The following DPP10 variants were observed in gnomAD, a reference collection of about 807,000 sequenced individuals.
The protein encoded by DPP10 is dipeptidyl peptidase like 10, also known as inactive dipeptidyl peptidase 10.
DPP10 carries 33 observed loss-of-function variants against 120.9 expected under a neutral mutation model. The observed-to-expected ratio is 0.27, with a 90% CI of 0.21 to 0.37. The LOEUF (loss-of-function observed/expected upper bound fraction) is 0.37. Among genes scored for constraint, DPP10 ranks in the 10% least tolerant of loss-of-function variants. DPP10 has a pLI of 1.00. For missense variants in DPP10, 816 were observed against 942.8 expected, an observed-to-expected ratio of 0.87 and a Z score of 1.76; for synonymous variants, 337 against 326.1, an observed-to-expected ratio of 1.03 and a Z score of -0.36.
chr2:114,693,757 C>G (rs1300592998), intron 1 of DPP10, among the ~76,000 whole-genome samples: 1 of 151,938 alleles, frequency 6.6e-6, no homozygotes, highest in Non-Finnish European at 1.5e-5. Flanking sequence ...TCCCATATTT[C>G]TTGGAGGTTT....
chr2:114,941,488 G>T (rs1696892023), intron 1 of DPP10, among the ~76,000 whole-genome samples: 1 of 152,102 alleles, frequency 6.6e-6, no homozygotes, highest in East Asian at 1.9e-4. Flanking sequence ...TTAAGTGAAA[G>T]ATTATTTTCT....
At chr2:114,953,709 G>A (rs1697969113) in intron 1 of DPP10, among the ~76,000 whole-genome samples, 1 of 151,910 alleles carries the variant, frequency 6.6e-6, no homozygotes. Flanking sequence ...TATAATTATG[G>A]TCAATAATAG....
intron 1 of DPP10, among the ~76,000 whole-genome samples, chr2:114,755,728 A>C (rs1360881427): frequency 6.6e-6 from 1 of 152,218 alleles, no homozygotes; most frequent in Non-Finnish European, 1.5e-5. Flanking sequence ...GTAAGGCAGA[A>C]GGCCCAGGCA....
intron 1 of DPP10, among the ~76,000 whole-genome samples, chr2:114,753,870 C>A (rs1202536023): frequency 7.8e-6 from 1 of 128,454 alleles, no homozygotes; most frequent in Non-Finnish European, 1.6e-5. Flanking sequence ...GATGGCGCCA[C>A]TGAACTCCAG....
intron 1 of DPP10, among the ~76,000 whole-genome samples, chr2:115,270,840 ATTAT>A (rs1559344088): frequency 6.6e-6 from 1 of 152,226 alleles, no homozygotes; most frequent in African/African-American, 2.4e-5. Flanking sequence ...CTGACTGTCA[ATTAT>A]TTAGGATTGG....
chr2:115,265,044 TAC>T, intron 1 of DPP10, among the ~76,000 whole-genome samples: 1 of 152,130 alleles, frequency 6.6e-6, no homozygotes, highest in East Asian at 1.9e-4. Context: ...TAAACTTCTG[TAC>T]ATTGCACTTG....
intron 5 of DPP10, among the ~76,000 whole-genome samples, chr2:115,609,341 A>G (rs917426612): frequency 2.0e-5 from 3 of 152,026 alleles, no homozygotes; most frequent in East Asian, 3.9e-4. Flanking sequence ...ATGTTGCGGG[A>G]AAAAAAAGGA....
chr2:115,536,352 C>T (rs540076665), intron 5 of DPP10, among the ~76,000 whole-genome samples: 1 of 151,956 alleles, frequency 6.6e-6, no homozygotes, highest in East Asian at 1.9e-4. Context: ...ATTTTAATGG[C>T]TTTACCATCT....
chr2:114,653,002 G>A lies in DPP10; in HGVS notation c.60+210164G>A, dbSNP rs867794389. On this transcript the variant is annotated intron_variant, in intron 1 of 25. Transcript: ENST00000410059. ...TCTCTCATTGGAAGAGAGAGAGAGAGAGAGAGAAAGAGAGAGAGAGAGAGA... is the reference window on the plus strand; with the variant it reads ...TCTCTCATTGGAAGAGAGAGAGAGAAAGAGAGAAAGAGAGAGAGAGAGAGA... Among the ~76,000 whole-genome samples the A allele has an allele frequency of 3.1e-3, 432 of 141,460 alleles. 1 individual carries two copies. Among genetic ancestry groups the A allele is most frequent in the Middle Eastern group, 0.01 (3 of 290 alleles). 92.8% of individuals were successfully genotyped at this position (141,460 alleles called of 152,430 possible).
chr2:115,060,825 G>A (rs1706341970), intron 1 of DPP10, among the ~76,000 whole-genome samples: 1 of 152,164 alleles, frequency 6.6e-6, no homozygotes, highest in Non-Finnish European at 1.5e-5. Flanking sequence ...CTAGGAAGCT[G>A]AGCTCAGAGA....
At chr2:115,794,826 C>T (rs534905313) in intron 19 of DPP10, among the ~76,000 whole-genome samples, 3 of 152,054 alleles carry the variant, frequency 2.0e-5, no homozygotes, top group Admixed American at 6.6e-5. Context: ...CTTATAACCT[C>T]GTATTGTTCT....
At chr2:114,992,862 C>G (rs1700829134) in intron 1 of DPP10, among the ~76,000 whole-genome samples, 1 of 152,162 alleles carries the variant, frequency 6.6e-6, no homozygotes. Context: ...GACTTGTAGA[C>G]AGTCAATGGT....
chr2:115,632,120 G>T (rs1381197105), intron 5 of DPP10, among the ~76,000 whole-genome samples: 1 of 152,136 alleles, frequency 6.6e-6, no homozygotes, highest in Non-Finnish European at 1.5e-5. Context: ...ATATATTTCT[G>T]ATAGCTAGCT....
intron 5 of DPP10, among the ~76,000 whole-genome samples, chr2:115,532,558 T>A (rs1339616922): frequency 6.6e-6 from 1 of 152,084 alleles, no homozygotes; most frequent in Non-Finnish European, 1.5e-5. Context: ...TTTTCAATAC[T>A]CAGTACTTAA....
At chr2:115,044,967 T>TG (rs1330687065) in intron 1 of DPP10, among the ~76,000 whole-genome samples, 4 of 152,162 alleles carry the variant, frequency 2.6e-5, no homozygotes, top group Non-Finnish European at 5.9e-5. Flanking sequence ...TTTTTATAGA[T>TG]GAATAGTACT....
chr2:114,975,149 G>A (rs373167246), intron 1 of DPP10, among the ~76,000 whole-genome samples: 14 of 151,566 alleles, frequency 9.2e-5, no homozygotes, highest in African/African-American at 2.9e-4. Flanking sequence ...GGGTTCAAGC[G>A]ATTCTCCTGC....
chr2:114,686,847 C>G (rs1699403438), intron 1 of DPP10, among the ~76,000 whole-genome samples: 1 of 151,916 alleles, frequency 6.6e-6, no homozygotes, highest in Non-Finnish European at 1.5e-5. Context: ...TCAAGTATCA[C>G]ACATGCATTC....
chr2:115,246,449 G>A (rs1227079843), intron 1 of DPP10, among the ~76,000 whole-genome samples: 2 of 152,140 alleles, frequency 1.3e-5, no homozygotes, highest in Non-Finnish European at 2.9e-5. Context: ...AAAAGAATTG[G>A]TGGATTTTTT....
At chr2:115,623,909 C>T (rs1558940652) in intron 5 of DPP10, among the ~76,000 whole-genome samples, 1 of 152,192 alleles carries the variant, frequency 6.6e-6, no homozygotes, top group East Asian at 1.9e-4. Context: ...CAAGAATTGT[C>T]AGATGAAAAG....
Sources: gnomAD v4.1 joint callset for allele counts (sites outside exome capture counted in the v4.1 genomes callset) on GRCh38, gnomAD v4.1.1 for gene constraint, MANE v1.5 for transcripts, NCBI Gene and HGNC (gene_info 2026-07-23, HGNC 2026-07-21) for gene names.